The following TEX26 variants were observed in gnomAD, a reference collection of about 807,000 sequenced individuals.
The protein encoded by TEX26 is testis expressed 26.
A neutral mutation model predicts 35.3 loss-of-function variants in TEX26; 34 were observed. That is an observed-to-expected ratio of 0.96 (90% CI 0.73 to 1.28). The LOEUF (loss-of-function observed/expected upper bound fraction) is 1.28. Among genes scored for constraint, TEX26 ranks in the 50% most tolerant of loss-of-function variants. The pLI is 0.00. For missense variants in TEX26, 371 were observed against 330.1 expected (o/e 1.12, Z -0.96); for synonymous variants, 136 against 111.8 (o/e 1.22, Z -1.36).
chr13:30,974,821 TC>T, intron 6 of TEX26, 24 bp from the exon 7 acceptor site: 1 of 1,540,360 alleles, frequency 6.5e-7, no homozygotes, highest in Non-Finnish European at 8.7e-7. Flanking sequence ...AAAATTTTCA[TC>T]CTGTTTTTCT....
intron 3 of TEX26, 131 bp from the exon 4 acceptor site, chr13:30,956,742 G>C: frequency 1.3e-6 from 1 of 776,002 alleles, no homozygotes; most frequent in Non-Finnish European, 2.1e-6. Flanking sequence ...CGGGCTCCCA[G>C]CATCCATGCA....
chr13:30,962,422 C>T (rs985228109), intron 4 of TEX26, among the ~76,000 whole-genome samples: 3 of 152,202 alleles, frequency 2.0e-5, no homozygotes, highest in Admixed American at 6.5e-5. Flanking sequence ...ACATTGCTTC[C>T]TCCCTGTGGA....
intron 1 of TEX26, among the ~76,000 whole-genome samples, chr13:30,934,495 A>G (rs1164484960): frequency 6.6e-6 from 1 of 152,154 alleles, no homozygotes; most frequent in Non-Finnish European, 1.5e-5. Flanking sequence ...ACAAAAATGT[A>G]TTTGCTCACA....
At position 30,932,728 on chromosome 13, in the gene TEX26, G is replaced by C; in HGVS notation, c.13G>C (p.Gly5Arg). MEQP[G>R]PRAPDPSLCH... The stretch of plus-strand genomic sequence containing the variant: ...CTCCTGGGGCAGAATGGAACAGCCT[G>C]GGCCCAGGGCTCCGGATCCCTCTCT... The change falls in exon 1 of 7, where the codon GGG (glycine) becomes CGG (arginine). Residue 5 changes from glycine (G) to arginine (R), a missense_variant. Gly to Arg is a moderately radical substitution (Grantham distance 125). Transcript: ENST00000380473. 1 of 1,613,716 alleles carries C rather than the reference G, an allele frequency of 6.2e-7. No individual in the cohort carries two copies. The highest frequency in any genetic ancestry group is 8.5e-7 in the Non-Finnish European group (1 of 1,179,980).
chr13:30,937,976 T>C (rs1243915275), intron 1 of TEX26, among the ~76,000 whole-genome samples: 1 of 152,198 alleles, frequency 6.6e-6, no homozygotes, highest in Non-Finnish European at 1.5e-5. Context: ...CAGTAGCATA[T>C]AGCTTTTCAA....
At chr13:30,969,111 T>G (rs1358536674) in intron 6 of TEX26, 65 bp downstream of exon 6, 1 of 1,435,454 alleles carries the variant, frequency 7.0e-7, no homozygotes, top group Non-Finnish European at 9.3e-7. Context: ...AAATAGAAAC[T>G]GTTCCAAGTT....
chr13:30,937,361 A>G (rs1020404745), intron 1 of TEX26, among the ~76,000 whole-genome samples: 1 of 152,192 alleles, frequency 6.6e-6, no homozygotes, highest in African/African-American at 2.4e-5. Context: ...TTTTTGAGGC[A>G]TATCTGAGCC....
chr13:30,941,574 T>G (rs1953512853), intron 2 of TEX26, among the ~76,000 whole-genome samples: 1 of 152,202 alleles, frequency 6.6e-6, no homozygotes, highest in Non-Finnish European at 1.5e-5. Flanking sequence ...AGATCTGAGA[T>G]TTTAGGGTAC....
chr13:30,939,851 A>G, intron 2 of TEX26, 73 bp downstream of exon 2: 1 of 1,326,610 alleles, frequency 7.5e-7, no homozygotes, highest in Non-Finnish European at 1.1e-6. Flanking sequence ...CTCAGAATCC[A>G]AACACATAGA....
chr13:30,960,509 T>A (rs906422288), intron 4 of TEX26, among the ~76,000 whole-genome samples: 3 of 152,180 alleles, frequency 2.0e-5, no homozygotes. Flanking sequence ...CCTCCCAAAG[T>A]GCTAGGATTA....
chr13:30,953,921 T>C lies in TEX26; in HGVS notation c.312+1096T>C, dbSNP rs138467132. Among the ~76,000 whole-genome samples, 524 of 152,306 alleles carry C rather than the reference T, an allele frequency of 3.4e-3. 2 individuals are homozygous for C. The highest frequency in any genetic ancestry group is 0.012 in the African/African-American group (499 of 41,564). On this transcript the variant is annotated intron_variant, in intron 3 of 6. Transcript: ENST00000380473. ...AAGTGGTAGAATGAACAGGATTTGA[T>C]GACTAAAAGGATGCAAAGGATAAGG...
In TEX26 at chr13:30,936,228, T is replaced by C. The variant is rs1049803168; in HGVS notation, c.61+3452T>C. 3.9e-5 allele frequency among the ~76,000 whole-genome samples: 6 copies of C among 152,334 alleles called. No individual in the cohort carries two copies. The East Asian group carries it at 9.6e-4, about 24-fold the overall frequency. On this transcript the variant is annotated intron_variant, in intron 1 of 6. Transcript: ENST00000380473. ...TTTGTAAAGTATAATAGAATATACA[T>C]GTTACTACTTTATAATATTTTTTAA...
intron 6 of TEX26, 45 bp from the exon 7 acceptor site, chr13:30,974,801 T>A: frequency 6.7e-7 from 1 of 1,489,356 alleles, no homozygotes; most frequent in Non-Finnish European, 8.9e-7. Context: ...ATCATTTAAA[T>A]ACTTACGTGA....
chr13:30,966,341 G>C lies in TEX26; in HGVS notation c.589G>C (p.Asp197His), dbSNP rs779843246. Residue 197 changes from aspartate to histidine, a missense_variant, in exon 5 of 7, where the codon GAT becomes CAT. Transcript: ENST00000380473. ...TCCAGCTAAAATTCCTGAGCTTCAA[G>C]ATTTCAGTTTCAAATATGGATGCTA... ...QIPAKIPELQ[D>H]FSFKYGCYSS... 5 of 1,611,992 alleles carry C rather than the reference G, an allele frequency of 3.1e-6. No individual in the cohort carries two copies. In the East Asian group the frequency reaches 1.1e-4, roughly 36 times the overall value.
At chr13:30,949,025 A>G (rs1953823697) in intron 2 of TEX26, among the ~76,000 whole-genome samples, 2 of 152,118 alleles carry the variant, frequency 1.3e-5, no homozygotes, top group African/African-American at 4.8e-5. Context: ...TGTTTTTGTC[A>G]GGTTTGTCAA....
At chr13:30,941,695 T>A (rs1953519802) in intron 2 of TEX26, among the ~76,000 whole-genome samples, 1 of 152,188 alleles carries the variant, frequency 6.6e-6, no homozygotes, top group African/African-American at 2.4e-5. Flanking sequence ...TCATTCTGTA[T>A]GCCTTTGGGT....
intron 1 of TEX26, chr13:30,937,109 G>A (rs142997669): frequency 2.0e-6 from 1 of 511,332 alleles, no homozygotes. Flanking sequence ...GGGTGTGCCT[G>A]ATCTGTACAA....
intron 2 of TEX26, among the ~76,000 whole-genome samples, chr13:30,946,976 C>T (rs1346836321): frequency 6.6e-6 from 1 of 152,016 alleles, no homozygotes; most frequent in Non-Finnish European, 1.5e-5. Flanking sequence ...ACTCCACTTC[C>T]TCCATAGACT....
intron 6 of TEX26, among the ~76,000 whole-genome samples, chr13:30,971,280 A>C (rs534825805): frequency 1.3e-5 from 2 of 152,352 alleles, no homozygotes; most frequent in South Asian, 4.1e-4. Context: ...TTTGTGGCTG[A>C]GTACATATGC....
Sources: gnomAD v4.1 joint callset for allele counts (sites outside exome capture counted in the v4.1 genomes callset) on GRCh38, gnomAD v4.1.1 for gene constraint, MANE v1.5 for transcripts, NCBI Gene and HGNC (gene_info 2026-07-23, HGNC 2026-07-21) for gene names.